Variants in AHCYL2 observed in about 807,000 individuals in gnomAD.
AHCYL2 encodes the protein adenosylhomocysteinase like 2.
Under a neutral mutation model 81.4 loss-of-function variants are expected in AHCYL2, and 28 were observed. That is an observed-to-expected ratio of 0.34 (90% confidence interval 0.25 to 0.47). The LOEUF is 0.47. Among genes scored for constraint, AHCYL2 ranks in the 20% least tolerant of loss-of-function variants. The pLI, the probability that AHCYL2 is intolerant of heterozygous loss-of-function variation, is 1.00. For synonymous variants in AHCYL2, 272 were observed against 290.2 expected (o/e 0.94, Z 0.64); for missense variants, 551 against 785.1 (o/e 0.70, Z 3.56).
intron 7 of AHCYL2, among the ~76,000 whole-genome samples, chr7:129,404,482 C>G (rs1318242754): frequency 6.6e-6 from 1 of 152,142 alleles, no homozygotes; most frequent in African/African-American, 2.4e-5. Context: ...CAAGACCAGC[C>G]TGGCCAACGT....
intron 2 of AHCYL2, among the ~76,000 whole-genome samples, chr7:129,381,180 A>T (rs985905424): frequency 1.3e-5 from 2 of 152,248 alleles, no homozygotes; most frequent in African/African-American, 4.8e-5. Flanking sequence ...TGTGCATGTT[A>T]TCTAAAGATT....
At chr7:129,405,015 C>T in intron 7 of AHCYL2, 82 bp from the exon 8 acceptor site, 3 of 810,528 alleles carry the variant, frequency 3.7e-6, no homozygotes, top group Non-Finnish European at 5.8e-6. Flanking sequence ...ACCCAATCAA[C>T]GTATTTCTGG....
chr7:129,359,489 CTAAGT>C (rs1793857680), intron 1 of AHCYL2, among the ~76,000 whole-genome samples: 1 of 152,142 alleles, frequency 6.6e-6, no homozygotes. Flanking sequence ...ACTTTTGTAA[CTAAGT>C]TATGCTTCTA....
At chr7:129,279,339 G>A (rs544378603) in intron 1 of AHCYL2, among the ~76,000 whole-genome samples, 77 of 151,942 alleles carry the variant, frequency 5.1e-4, no homozygotes, top group South Asian at 1.2e-3. Context: ...TAATAGAGAT[G>A]AGGTTCGCCA....
At chr7:129,349,651 CAAAAAAAAAA>C (rs34969591) in intron 1 of AHCYL2, among the ~76,000 whole-genome samples, 3 of 86,112 alleles carry the variant, frequency 3.5e-5, no homozygotes, top group African/African-American at 5.1e-5. Flanking sequence ...GACTCTGTTT[CAAAAAAAAAA>C]AAAAAAAAAA....
At chr7:129,322,486 ATATT>A (rs756246163) in intron 1 of AHCYL2, among the ~76,000 whole-genome samples, 22 of 152,176 alleles carry the variant, frequency 1.4e-4, no homozygotes, top group Non-Finnish European at 2.8e-4. Context: ...ATATTTCTAT[ATATT>A]CTATATTTAT....
At chr7:129,299,331 TCAAC>T (rs1797167288) in intron 1 of AHCYL2, among the ~76,000 whole-genome samples, 1 of 145,554 alleles carries the variant, frequency 6.9e-6, no homozygotes, top group African/African-American at 2.5e-5. Context: ...ACCTGTAGTT[TCAAC>T]TATTCAGGAG....
chr7:129,356,982 G>A (rs1027020192), intron 1 of AHCYL2, among the ~76,000 whole-genome samples: 1 of 152,124 alleles, frequency 6.6e-6, no homozygotes, highest in Non-Finnish European at 1.5e-5. Context: ...TATAAAGGCT[G>A]GTACCTACAT....
chr7:129,243,955 T>G (rs1272695556), intron 1 of AHCYL2, among the ~76,000 whole-genome samples: 2 of 148,774 alleles, frequency 1.3e-5, no homozygotes, highest in African/African-American at 4.9e-5. Flanking sequence ...ATAGTGATCT[T>G]ATTTTATTTT....
At chr7:129,280,696 GT>G (rs200594068) in intron 1 of AHCYL2, among the ~76,000 whole-genome samples, 22 of 146,124 alleles carry the variant, frequency 1.5e-4, no homozygotes, top group Middle Eastern at 3.6e-3. Flanking sequence ...ATTAGCTGTT[GT>G]TTTTTTTTTA....
chr7:129,347,886 T>G (rs1465331102), intron 1 of AHCYL2, among the ~76,000 whole-genome samples: 1 of 152,212 alleles, frequency 6.6e-6, no homozygotes, highest in African/African-American at 2.4e-5. Context: ...ATTTCATACT[T>G]GAAAGCTTTT....
chr7:129,245,703 A>T (rs1011370058), intron 1 of AHCYL2, among the ~76,000 whole-genome samples: 1 of 152,196 alleles, frequency 6.6e-6, no homozygotes, highest in Non-Finnish European at 1.5e-5. Context: ...TTCAGGGTGA[A>T]TAATATTCCA....
At chr7:129,233,928 CTTT>C (rs1399709360) in intron 1 of AHCYL2, among the ~76,000 whole-genome samples, 1 of 152,154 alleles carries the variant, frequency 6.6e-6, no homozygotes, top group Non-Finnish European at 1.5e-5. Flanking sequence ...TGGGACTCAT[CTTT>C]TTCTCCTTCA....
Position 129,307,459 on chromosome 7 carries a change from TGTG to T in AHCYL2, c.364-72175_364-72173del, listed in dbSNP as rs533227260. Among the ~76,000 whole-genome samples, 652 of 151,708 alleles carry T rather than the reference TGTG, an allele frequency of 4.3e-3. 4 individuals are homozygous for T. Among genetic ancestry groups the T allele is most frequent in the Non-Finnish European group, 6.1e-3 (415 of 67,900 alleles). On this transcript the variant is annotated intron_variant, in intron 1 of 16. Coordinates refer to ENST00000325006, the MANE Select transcript of AHCYL2 (RefSeq NM_015328.4). ...AGGCCCAAGGGCTCTTCAGTCAGCT[TGTG>T]GTGAATGCTGCCAGGCCTAGAACTC...
chr7:129,273,570 C>T (rs1440338278), intron 1 of AHCYL2, among the ~76,000 whole-genome samples: 8 of 151,780 alleles, frequency 5.3e-5, no homozygotes, highest in Admixed American at 2.0e-4. Context: ...TCAGGTGATC[C>T]GCCCACCTCG....
chr7:129,225,462 C>G lies in AHCYL2; in HGVS notation c.363+23C>G, dbSNP rs1400759195. On this transcript the variant is annotated intron_variant, in intron 1 of 16. Coordinates refer to ENST00000325006, the MANE Select transcript of AHCYL2 (RefSeq NM_015328.4). ...AAGGTACTGGGGCCGGGCTGCCTCT[C>G]TAGGAGAGGAAGGGAGGGGAGGGGA... is the stretch of plus-strand genomic sequence containing the variant. 3.4e-6 allele frequency: 5 copies of G among 1,488,822 alleles called. No homozygotes were observed. The African/African-American group carries it at 7.3e-5, about 22-fold the overall frequency. 92.2% of individuals were successfully genotyped at this position (1,488,822 alleles called of 1,614,324 possible). A position where few individuals can be genotyped will look rare whatever the true frequency, so the allele number is the denominator to read the frequency against.
At chr7:129,304,207 G>A (rs902382205) in intron 1 of AHCYL2, among the ~76,000 whole-genome samples, 3 of 152,000 alleles carry the variant, frequency 2.0e-5, no homozygotes, top group African/African-American at 7.2e-5. Context: ...CAAAATTCTT[G>A]TTATTGATTT....
intron 1 of AHCYL2, among the ~76,000 whole-genome samples, chr7:129,272,658 A>T (rs1796060244): frequency 1.3e-5 from 2 of 152,240 alleles, no homozygotes; most frequent in African/African-American, 2.4e-5. Context: ...ATGTGGTTAC[A>T]TAGACCATAG....
chr7:129,307,068 G>A (rs927349048), intron 1 of AHCYL2, among the ~76,000 whole-genome samples: 14 of 152,186 alleles, frequency 9.2e-5, no homozygotes, highest in Non-Finnish European at 1.8e-4. Flanking sequence ...GTAAAGTGTT[G>A]AATCTTGTCC....
Sources: gnomAD v4.1 joint callset for allele counts (sites outside exome capture counted in the v4.1 genomes callset) on GRCh38, gnomAD v4.1.1 for gene constraint, MANE v1.5 for transcripts, NCBI Gene and HGNC (gene_info 2026-07-23, HGNC 2026-07-21) for gene names.